DPP9: variants seen among roughly 807,000 people sequenced by gnomAD.
DPP9 encodes the protein dipeptidyl peptidase 9.
DPP9 carries 50 observed loss-of-function variants against 110.7 expected under a neutral mutation model. The observed-to-expected ratio is 0.45, with a 90% CI of 0.36 to 0.57. DPP9 has a LOEUF of 0.57. Ranked by LOEUF, DPP9 falls within the 20% of genes least tolerant of loss-of-function variation. The probability of loss-of-function intolerance (pLI) is 0.00; values close to 1 mark genes in which losing one functional copy is unlikely to be tolerated. For missense variants in DPP9, 1,022 were observed against 1,217.9 expected (o/e 0.84, Z 2.39); for synonymous variants, 561 against 514.4 (o/e 1.09, Z -1.23).
intron 13 of DPP9, among the ~76,000 whole-genome samples, chr19:4,691,486 C>A (rs972547646): frequency 0.013 from 1,954 of 145,814 alleles, 48 homozygotes; most frequent in African/African-American, 0.048. Context: ...AAAAAAAAAA[C>A]AAAAAACAAA....
chr19:4,710,755 C>T lies in DPP9; in HGVS notation c.313+3326G>A, dbSNP rs189369297. On this transcript the variant is annotated intron_variant, in intron 4 of 21. Coordinates refer to ENST00000262960, the MANE Select transcript of DPP9 (RefSeq NM_139159.5). This position sits in a 1 kb window ranked among gnomAD's most constrained non-coding sequence, Gnocchi z 5.6. ...GCCTGCCCCGAGAACCTGGATGTGACGTGAGCTCAGTGCTGCCCCTGACAG... is the reference window on the plus strand; with the variant it reads ...GCCTGCCCCGAGAACCTGGATGTGATGTGAGCTCAGTGCTGCCCCTGACAG... Among the ~76,000 whole-genome samples, 21 of 152,242 alleles carry T rather than the reference C, an allele frequency of 1.4e-4. No homozygotes were observed. Among genetic ancestry groups the T allele is most frequent in the African/African-American group, 4.8e-4 (20 of 41,538 alleles).
rs1279892322 is a variant in DPP9 at position 4,682,546 on chromosome 19, C to T, written c.2474+150G>A. 1 of 1,228,054 alleles carries T rather than the reference C, an allele frequency of 8.1e-7. No homozygotes were observed. The highest frequency in any genetic ancestry group is 2.6e-5 in the East Asian group (1 of 39,158). The allele number at this position is 1,228,054 out of a possible 1,614,324, so 76.1% of individuals were successfully genotyped here. A position where few individuals can be genotyped will look rare whatever the true frequency, so the allele number is the denominator to read the frequency against. On this transcript the variant is annotated intron_variant, in intron 20 of 21. Transcript: ENST00000262960. This position sits in a 1 kb window ranked among gnomAD's most constrained non-coding sequence, Gnocchi z 7.1. ...CTGTGAGGCACATGCAGGCAGACGC[C>T]ACCACAGGAGCACAGCGGGGAGGCT... is the stretch of plus-strand genomic sequence containing the variant.
At chr19:4,712,380 C>G (rs1471467384) in intron 4 of DPP9, among the ~76,000 whole-genome samples, 2 of 152,058 alleles carry the variant, frequency 1.3e-5, no homozygotes, top group Non-Finnish European at 2.9e-5. Flanking sequence ...AAAACCTCAT[C>G]TCTACAAAAA....
intron 3 of DPP9, among the ~76,000 whole-genome samples, chr19:4,716,475 A>G (rs2093080867): frequency 6.6e-6 from 1 of 152,010 alleles, no homozygotes; most frequent in Non-Finnish European, 1.5e-5. Flanking sequence ...ATCTCTACCA[A>G]AAATACAAAA....
At chr19:4,713,589 G>A (rs111704719) in intron 4 of DPP9, among the ~76,000 whole-genome samples, 4,526 of 152,312 alleles carry the variant, frequency 0.03, 91 homozygotes, top group Non-Finnish European at 0.042. Flanking sequence ...TCTGCCATCC[G>A]GGCGGCTTTC....
intron 4 of DPP9, among the ~76,000 whole-genome samples, chr19:4,706,267 C>T (rs193216028): frequency 7.4e-4 from 108 of 146,358 alleles, no homozygotes; most frequent in Admixed American, 1.5e-3. Flanking sequence ...GAGGCCGAGG[C>T]GAGAGGACTG....
In DPP9 at chr19:4,710,654, G is replaced by C. The variant is rs760826323; in HGVS notation, c.313+3427C>G. On this transcript the variant is annotated intron_variant, in intron 4 of 21. Transcript: ENST00000262960. The surrounding 1 kb of genome is among the most constrained non-coding windows in gnomAD (Gnocchi z 5.6). Reference sequence around the variant, plus strand: ...GACAGGTCCCATGCTTTGAGCAGCAGGCCAGGCCTGGCCTTGAAGTCTGGA... The same window carrying C: ...GACAGGTCCCATGCTTTGAGCAGCACGCCAGGCCTGGCCTTGAAGTCTGGA... Among the ~76,000 whole-genome samples the C allele has an allele frequency of 3.9e-5, 6 of 152,192 alleles. No homozygotes were observed. The highest frequency in any genetic ancestry group is 7.3e-5 in the Non-Finnish European group (5 of 68,034).
Position 4,689,477 on chromosome 19 carries a change from G to A in DPP9, c.1749+93C>T. 6.9e-7 allele frequency: 1 copy of A among 1,441,320 alleles called. No homozygotes were observed. The highest frequency in any genetic ancestry group is 1.3e-5 in the South Asian group (1 of 76,806). 89.3% of individuals were successfully genotyped at this position (1,441,320 alleles called of 1,614,324 possible). ...TATGAGAATGCGAGACCATGAGAAT[G>A]ACCCTGAGTGCTGTGCCGGGCCATG... On this transcript the variant is annotated intron_variant, in intron 15 of 21. Transcript: ENST00000262960. The surrounding 1 kb of genome is among the most constrained non-coding windows in gnomAD (Gnocchi z 7.0).
intron 16 of DPP9, among the ~76,000 whole-genome samples, chr19:4,686,183 G>A (rs1361077772): frequency 6.6e-6 from 1 of 151,860 alleles, no homozygotes; most frequent in South Asian, 2.1e-4. Context: ...CGCCTTCCTG[G>A]GTTCAAGCGA....
chr19:4,680,158 G>T (rs772574212), intron 20 of DPP9, among the ~76,000 whole-genome samples: 3 of 150,506 alleles, frequency 2.0e-5, no homozygotes, highest in Non-Finnish European at 4.4e-5. Flanking sequence ...AACTGCTTGA[G>T]CCTCAGAGGC....
intron 21 of DPP9, among the ~76,000 whole-genome samples, chr19:4,677,321 C>T (rs2088991165): frequency 6.6e-6 from 1 of 152,106 alleles, no homozygotes; most frequent in Non-Finnish European, 1.5e-5. Flanking sequence ...CTCCCCACTG[C>T]CCCCTAGGGG....
At chr19:4,680,204 C>G (rs921094697) in intron 20 of DPP9, among the ~76,000 whole-genome samples, 2 of 150,010 alleles carry the variant, frequency 1.3e-5, no homozygotes, top group African/African-American at 5.0e-5. Flanking sequence ...GCCACTCACT[C>G]CAGCCTGGGC....
At chr19:4,697,252 G>C (rs1397425312) in intron 11 of DPP9, among the ~76,000 whole-genome samples, 4 of 152,156 alleles carry the variant, frequency 2.6e-5, no homozygotes, top group East Asian at 1.9e-4. Flanking sequence ...TTCTGAGCCT[G>C]AGGTCTGGGG....
At chr19:4,692,739 C>A (rs1207185955) in intron 13 of DPP9, among the ~76,000 whole-genome samples, 4 of 152,182 alleles carry the variant, frequency 2.6e-5, no homozygotes, top group Non-Finnish European at 5.9e-5. Flanking sequence ...CATTTTCCCA[C>A]AGGGGGCAAA....
In DPP9 at chr19:4,682,596, C is replaced by T; in HGVS notation, c.2474+100G>A. On this transcript the variant is annotated intron_variant, in intron 20 of 21. Coordinates refer to ENST00000262960, the MANE Select transcript of DPP9 (RefSeq NM_139159.5). This position sits in a 1 kb window ranked among gnomAD's most constrained non-coding sequence, Gnocchi z 7.1. ...TCCACATGGCCTGAGGCTCCCTGGGCAGGGCCAGCTGGGGCAGGAGGGCAC... is the reference window on the plus strand; with the variant it reads ...TCCACATGGCCTGAGGCTCCCTGGGTAGGGCCAGCTGGGGCAGGAGGGCAC... The T allele has an allele frequency of 1.3e-6, 2 of 1,509,344 alleles. No individual in the cohort carries two copies. The highest frequency in any genetic ancestry group is 1.8e-6 in the Non-Finnish European group (2 of 1,125,310). The allele number at this position is 1,509,344 out of a possible 1,614,324, so 93.5% of individuals were successfully genotyped here.
chr19:4,716,335 G>A (rs1355463781), intron 3 of DPP9, among the ~76,000 whole-genome samples: 3 of 152,098 alleles, frequency 2.0e-5, no homozygotes, highest in African/African-American at 7.2e-5. Flanking sequence ...GTCAACGAGC[G>A]CCTTTGAAAG....
At chr19:4,688,567 C>T (rs1192660843) in intron 16 of DPP9, 190 bp downstream of exon 16, 9 of 712,066 alleles carry the variant, frequency 1.3e-5, no homozygotes, top group South Asian at 3.9e-5. Flanking sequence ...AACCCAGGAC[C>T]GTCTCGGACG....
At chr19:4,683,142 C>A in intron 19 of DPP9, 1 of 1,458,962 alleles carries the variant, frequency 6.9e-7, no homozygotes, top group Non-Finnish European at 9.1e-7. Flanking sequence ...AGTGCCCTGA[C>A]TGCCGCCGGC....
intron 4 of DPP9, among the ~76,000 whole-genome samples, chr19:4,713,264 TCTCTC>T (rs2092917350): frequency 1.3e-5 from 2 of 152,342 alleles, no homozygotes; most frequent in East Asian, 3.9e-4. Context: ...GCCTGGCTGA[TCTCTC>T]CAAGGTGTCC....
Sources: gnomAD v4.1 joint callset for allele counts (sites outside exome capture counted in the v4.1 genomes callset) on GRCh38, gnomAD v4.1.1 for gene constraint, Gnocchi (gnomAD v3.1) non-coding constraint, MANE v1.5 for transcripts, NCBI Gene and HGNC (gene_info 2026-07-23, HGNC 2026-07-21) for gene names.